Variants in ST8SIA6 observed in about 807,000 individuals in gnomAD.
ST8SIA6 encodes ST8 alpha-N-acetyl-neuraminide alpha-2,8-sialyltransferase 6.
A neutral mutation model predicts 33.6 loss-of-function variants in ST8SIA6; 39 were observed. The observed-to-expected ratio is 1.16, with a 90% CI of 0.90 to 1.52. The LOEUF (loss-of-function observed/expected upper bound fraction) is 1.52. Among genes scored for constraint, ST8SIA6 ranks in the 40% most tolerant of loss-of-function variants. The pLI, the probability that ST8SIA6 is intolerant of heterozygous loss-of-function variation, is 0.00. For synonymous variants in ST8SIA6, 172 were observed against 167.2 expected, an observed-to-expected ratio of 1.03 and a Z score of -0.22; for missense variants, 441 against 443.8, an observed-to-expected ratio of 0.99 and a Z score of 0.06.
chr10:17,425,274 G>A (rs1017105843), intron 2 of ST8SIA6, among the ~76,000 whole-genome samples: 1 of 152,066 alleles, frequency 6.6e-6, no homozygotes, highest in African/African-American at 2.4e-5. Flanking sequence ...ACAAGACAAG[G>A]ACTGAAATAT....
chr10:17,340,630 C>T (rs1848643692), intron 4 of ST8SIA6, among the ~76,000 whole-genome samples: 2 of 152,134 alleles, frequency 1.3e-5, no homozygotes. Flanking sequence ...AGTAAAATTG[C>T]CTTGCTGAGA....
chr10:17,326,736 C>T (rs1481500801), intron 6 of ST8SIA6, among the ~76,000 whole-genome samples: 3 of 152,188 alleles, frequency 2.0e-5, no homozygotes, highest in Non-Finnish European at 4.4e-5. Flanking sequence ...ACGTACTGAA[C>T]GCTCTGAAAG....
chr10:17,359,441 T>C (rs1849309946), intron 4 of ST8SIA6, 73 bp downstream of exon 4: 11 of 1,208,954 alleles, frequency 9.1e-6, no homozygotes, highest in Non-Finnish European at 1.3e-5. Flanking sequence ...TTTAATAACA[T>C]ATTGCCTATT....
chr10:17,446,356 A>G (rs1244908468), intron 2 of ST8SIA6, among the ~76,000 whole-genome samples: 1 of 152,238 alleles, frequency 6.6e-6, no homozygotes, highest in Non-Finnish European at 1.5e-5. Flanking sequence ...ATCTTTAGAA[A>G]ACATTCCCTT....
intron 2 of ST8SIA6, among the ~76,000 whole-genome samples, chr10:17,394,086 G>A (rs534508356): frequency 3.9e-5 from 6 of 152,270 alleles, no homozygotes; most frequent in Non-Finnish European, 8.8e-5. Flanking sequence ...GTGAAACTGT[G>A]ACCAGTAGGC....
chr10:17,348,340 A>G (rs1588821142), intron 4 of ST8SIA6, among the ~76,000 whole-genome samples: 1 of 152,104 alleles, frequency 6.6e-6, no homozygotes, highest in Non-Finnish European at 1.5e-5. Context: ...AATTACACCA[A>G]TATGCTACTC....
chr10:17,335,774 C>G (rs1013927237), intron 4 of ST8SIA6, among the ~76,000 whole-genome samples: 1 of 152,046 alleles, frequency 6.6e-6, no homozygotes, highest in African/African-American at 2.4e-5. Context: ...AATTCTTATG[C>G]GTATATAATT....
chr10:17,335,069 T>C (rs138185863), intron 4 of ST8SIA6, among the ~76,000 whole-genome samples: 1 of 152,342 alleles, frequency 6.6e-6, no homozygotes, highest in East Asian at 1.9e-4. Flanking sequence ...TACTTGAAAA[T>C]GGAAATCAAG....
intron 2 of ST8SIA6, among the ~76,000 whole-genome samples, chr10:17,431,416 T>G (rs1411893522): frequency 6.6e-6 from 1 of 152,208 alleles, no homozygotes; most frequent in East Asian, 1.9e-4. Flanking sequence ...TATACCAATT[T>G]GAAAGCAGTT....
At chr10:17,333,718 T>TATATATATATATA (rs1491246829) in intron 4 of ST8SIA6, among the ~76,000 whole-genome samples, 5 of 24,274 alleles carry the variant, frequency 2.1e-4, no homozygotes, top group South Asian at 1.7e-3. Context: ...TATATATATA[T>TATATATATATATA]TTTTTTTTTT....
chr10:17,361,421 A>G (rs71495258), intron 3 of ST8SIA6, among the ~76,000 whole-genome samples: 2,311 of 152,096 alleles, frequency 0.015, 37 homozygotes, highest in Middle Eastern at 0.054. Context: ...GTTGAAAGAC[A>G]CAAACTACCA....
intron 2 of ST8SIA6, among the ~76,000 whole-genome samples, chr10:17,408,940 C>CTTTT (rs112533742): frequency 7.2e-6 from 1 of 138,366 alleles, no homozygotes; most frequent in Non-Finnish European, 1.6e-5. Flanking sequence ...TTCTTTCTTT[C>CTTTT]TTTTTTTTTT....
chr10:17,439,941 C>G (rs1588927859), intron 2 of ST8SIA6, among the ~76,000 whole-genome samples: 1 of 152,182 alleles, frequency 6.6e-6, no homozygotes, highest in African/African-American at 2.4e-5. Flanking sequence ...ATTCAACACT[C>G]CCTAGAACTA....
At chr10:17,415,934 C>T (rs112269433) in intron 2 of ST8SIA6, among the ~76,000 whole-genome samples, 4,901 of 151,546 alleles carry the variant, frequency 0.032, 80 homozygotes, top group South Asian at 0.054. Flanking sequence ...CTCAGCCTCC[C>T]GAGTAACTGG....
chr10:17,326,129 C>T (rs964763304), intron 6 of ST8SIA6, among the ~76,000 whole-genome samples: 1 of 152,076 alleles, frequency 6.6e-6, no homozygotes, highest in Non-Finnish European at 1.5e-5. Context: ...TCATCATTAC[C>T]TGCAGCACAA....
rs1404191348 is a variant in ST8SIA6, at chr10:17,354,230, T to C, written c.377+5284A>G. Among the ~76,000 whole-genome samples, 3 of 152,168 alleles carry C rather than the reference T, an allele frequency of 2.0e-5. No homozygotes were observed. The East Asian group carries it at 5.8e-4, about 29-fold the overall frequency. ...ACTAGAGGGCGTCTCATATCATGTT[T>C]AATTTAAATTTAACCATCTCAATGT... On this transcript the variant is annotated intron_variant, in intron 4 of 7. Transcript: ENST00000377602.
chr10:17,389,017 T>A (rs1850482297), intron 3 of ST8SIA6, among the ~76,000 whole-genome samples: 1 of 152,152 alleles, frequency 6.6e-6, no homozygotes, highest in Non-Finnish European at 1.5e-5. Context: ...GACCCTAGAC[T>A]GGATGGATCA....
intron 2 of ST8SIA6, among the ~76,000 whole-genome samples, chr10:17,446,825 G>T (rs1366087465): frequency 6.6e-6 from 1 of 151,842 alleles, no homozygotes; most frequent in South Asian, 2.1e-4. Context: ...CACTTTGGGA[G>T]GCTGCAGCAG....
chr10:17,436,148 CCTT>C (rs1852246966), intron 2 of ST8SIA6, among the ~76,000 whole-genome samples: 1 of 152,202 alleles, frequency 6.6e-6, no homozygotes, highest in East Asian at 1.9e-4. Context: ...GCTCCCAAAA[CCTT>C]CTATCGTGCC....
Sources: allele counts gnomAD v4.1 joint callset (sites outside exome capture counted in the v4.1 genomes callset), GRCh38; gene constraint gnomAD v4.1.1; transcripts MANE v1.5; gene names NCBI Gene and HGNC (gene_info 2026-07-23, HGNC 2026-07-21).